Variants in TNK2 observed in about 807,000 individuals in gnomAD.
TNK2 encodes activated CDC42 kinase 1.
A neutral mutation model predicts 101.8 loss-of-function variants in TNK2; 83 were observed. The observed-to-expected ratio is 0.82, with a 90% CI of 0.68 to 0.98. TNK2 has a LOEUF of 0.98. TNK2 is among the 50% of genes least tolerant of loss of function. The pLI, the probability that TNK2 is intolerant of heterozygous loss-of-function variation, is 0.00. For missense variants in TNK2, 1,665 were observed against 1,483.2 expected (o/e 1.12, Z -2.01); for synonymous variants, 804 against 633.0 (o/e 1.27, Z -4.06).
In TNK2 at chr3:195,868,674, G is replaced by T. The variant is rs776492917; in HGVS notation, c.1624C>A (p.Pro542Thr). ...TYDPVSEDQD[P>T]LSSDFKRLGL... ...AGCCTCTTGAAGTCGCTGGACAAGG[G>T]GTCTTGGTCCTCGCTCACAGGGTCA... The change falls in exon 13 of 16, where the codon CCC (proline) becomes ACC (threonine). Residue 542 changes from proline (P) to threonine (T), a missense_variant. Pro to Thr is a conservative substitution (Grantham distance 38). Transcript: ENST00000672887. The T allele has an allele frequency of 1.9e-6, 3 of 1,592,588 alleles. No homozygotes were observed. Among genetic ancestry groups the T allele is most frequent in the African/African-American group, 2.7e-5 (2 of 73,986 alleles).
At chr3:195,896,044 C>G (rs758239070) in intron 1 of TNK2, 19 of 450,620 alleles carry the variant, frequency 4.2e-5, no homozygotes, top group Admixed American at 3.8e-4. Flanking sequence ...GCGCTGGGCA[C>G]GCACTGACCT....
Position 195,885,635 on chromosome 3 carries a change from G to A in TNK2, c.235-602C>T. 2 of 1,268,024 alleles carry A rather than the reference G, an allele frequency of 1.6e-6. No individual in the cohort carries two copies. The highest frequency in any genetic ancestry group is 1.2e-5 in the South Asian group (1 of 80,508). The allele number at this position is 1,268,024 out of a possible 1,614,324, so 78.5% of individuals were successfully genotyped here. A position where few individuals can be genotyped will look rare whatever the true frequency, so the allele number is the denominator to read the frequency against. On this transcript the variant is annotated intron_variant, in intron 3 of 15. Coordinates refer to ENST00000672887, the MANE Select transcript of TNK2 (RefSeq NM_001382273.1). The surrounding 1 kb of genome is among the most constrained non-coding windows in gnomAD (Gnocchi z 4.7). ...GCTAGTCCTTGCTGGGAAGGGGCCT[G>A]GGAAGACAGCTGGGTCTCTGGAGGG...
In TNK2 at chr3:195,868,182, G is replaced by A. The variant is rs533205195; in HGVS notation, c.2116C>T (p.Pro706Ser). 1.2e-6 allele frequency: 2 copies of A among 1,609,962 alleles called. No homozygotes were observed. Among genetic ancestry groups the A allele is most frequent in the East Asian group, 2.2e-5 (1 of 44,804 alleles). ...PPLEDNLFLP[P>S]QGGGKPPSSA... ...CTGGGCGGCTTGCCCCCACCCTGGG[G>A]CGGGAGGAACAGGTTGTCCTCCAGG... The change falls in exon 13 of 16, where the codon CCC becomes TCC. Residue 706 changes from proline (P) to serine (S), a missense_variant. By Grantham distance (74) the Pro-to-Ser change is moderately conservative. Coordinates refer to ENST00000672887, the MANE Select transcript of TNK2 (RefSeq NM_001382273.1).
chr3:195,895,737 GTAT>G (rs925405070), intron 1 of TNK2, among the ~76,000 whole-genome samples: 2 of 152,116 alleles, frequency 1.3e-5, no homozygotes, highest in Non-Finnish European at 2.9e-5. Context: ...CGAGTCCCCC[GTAT>G]TCACGGTAAG....
chr3:195,872,008 T>TTCCCCCGGAGAACCC (rs1745762753), intron 10 of TNK2, among the ~76,000 whole-genome samples: 1 of 44,066 alleles, frequency 2.3e-5, no homozygotes, highest in Admixed American at 1.9e-4. Flanking sequence ...CTGGAGAACA[T>TTCCCCCGGAGAACCC]TCCCCTGGAG....
rs761003004 is a variant in TNK2, at chr3:195,868,184, G to A, written c.2114C>T (p.Pro705Leu). 21 of 1,609,238 alleles carry A rather than the reference G, an allele frequency of 1.3e-5. No individual in the cohort carries two copies. Among genetic ancestry groups the A allele is most frequent in the Admixed American group, 5.0e-5 (3 of 59,674 alleles). Residue 705 changes from proline to leucine, a missense_variant, in exon 13 of 16, where the codon CCG becomes CTG. Physicochemically the swap from Pro to Leu is moderately conservative, Grantham distance 98 (BLOSUM62 -3). Coordinates refer to ENST00000672887, the MANE Select transcript of TNK2 (RefSeq NM_001382273.1). ...PPPLEDNLFL[P>L]PQGGGKPPSS... ...GGGCGGCTTGCCCCCACCCTGGGGC[G>A]GGAGGAACAGGTTGTCCTCCAGGGG...
intron 1 of TNK2, among the ~76,000 whole-genome samples, chr3:195,893,028 T>G (rs1759230424): frequency 6.6e-6 from 1 of 151,744 alleles, no homozygotes; most frequent in South Asian, 2.1e-4. Flanking sequence ...TCCTGGGACT[T>G]TAGGGTGGCG....
chr3:195,906,810 C>T (rs537430438), intron 1 of TNK2, among the ~76,000 whole-genome samples: 9 of 152,122 alleles, frequency 5.9e-5, no homozygotes, highest in South Asian at 2.1e-4. Flanking sequence ...ATCTTCTAGA[C>T]GAAGCACAAG....
chr3:195,878,501 G>A lies in TNK2; in HGVS notation c.1106C>T (p.Ala369Val). The change falls in exon 8 of 16, where the codon GCT (alanine) becomes GTT (valine). Residue 369 changes from alanine (A) to valine (V), a missense_variant. Physicochemically the swap from Ala to Val is moderately conservative, Grantham distance 64 (BLOSUM62 0). Coordinates refer to ENST00000672887, the MANE Select transcript of TNK2 (RefSeq NM_001382273.1). This position sits in a 1 kb window ranked among gnomAD's most constrained non-coding sequence, Gnocchi z 4.7. The part of the protein sequence containing the change: ...DIYNVMVQCW[A>V]HKPEDRPTFV... ...CGTGGGTCTGTCCTCTGGCTTGTGA[G>A]CCCAGCACTGGACCATGACGTTGTA... 1 of 1,613,968 alleles carries A rather than the reference G, an allele frequency of 6.2e-7. No homozygotes were observed. Among genetic ancestry groups the A allele is most frequent in the Non-Finnish European group, 8.5e-7 (1 of 1,180,052 alleles).
At chr3:195,872,650 G>A (rs868027897) in intron 9 of TNK2, 180 bp from the exon 10 acceptor site, 13 of 632,244 alleles carry the variant, frequency 2.1e-5, no homozygotes, top group Admixed American at 1.6e-4. Flanking sequence ...CCCCGTACAG[G>A]CCTGTTTGCA....
intron 10 of TNK2, 114 bp from the exon 11 acceptor site, chr3:195,870,319 C>T: frequency 6.5e-7 from 1 of 1,540,106 alleles, no homozygotes; most frequent in South Asian, 1.1e-5. Flanking sequence ...GGGTCTGAAG[C>T]ACAGGCCTCC....
In TNK2 at chr3:195,886,583, T is replaced by C. The variant is rs1577081434; in HGVS notation, c.234+394A>G. Among the ~76,000 whole-genome samples the C allele has an allele frequency of 6.6e-6, 1 of 151,456 alleles. No homozygotes were observed. The highest frequency in any genetic ancestry group is 2.1e-4 in the South Asian group (1 of 4,784). The stretch of plus-strand genomic sequence containing the variant: ...AGAGAAACCCAGAGATTAGAGAGGG[T>C]CAGGGAGGAGGGAAGCCAAGCAAAG... On this transcript the variant is annotated intron_variant, in intron 3 of 15. Coordinates refer to ENST00000672887, the MANE Select transcript of TNK2 (RefSeq NM_001382273.1). The surrounding 1 kb of genome is among the most constrained non-coding windows in gnomAD (Gnocchi z 4.2).
At chr3:195,906,929 G>A (rs558045992) in intron 1 of TNK2, among the ~76,000 whole-genome samples, 39 of 152,278 alleles carry the variant, frequency 2.6e-4, no homozygotes, top group African/African-American at 8.2e-4. Context: ...AGGGCCTGAG[G>A]TTTCTTTACT....
At chr3:195,865,202 G>A (rs563483789) in intron 15 of TNK2, among the ~76,000 whole-genome samples, 1 of 109,706 alleles carries the variant, frequency 9.1e-6, no homozygotes, top group African/African-American at 3.7e-5. Flanking sequence ...AGGTGACAGC[G>A]AGTGCCTGCG....
Position 195,864,059 on chromosome 3 carries a change from T to G in TNK2, c.*122A>C. Reference sequence around the variant, plus strand: ...CTCCCGCAGCCTTGGCCTTGCTCCATCCCCGGGAGCAGCAGGAGCAGCGGG... The same window carrying G: ...CTCCCGCAGCCTTGGCCTTGCTCCAGCCCCGGGAGCAGCAGGAGCAGCGGG... On this transcript the variant is annotated 3_prime_UTR_variant, in exon 16 of 16. Transcript: ENST00000672887. 1 of 1,382,452 alleles carries G rather than the reference T, an allele frequency of 7.2e-7. No individual in the cohort carries two copies. The highest frequency in any genetic ancestry group is 1.0e-6 in the Non-Finnish European group (1 of 984,800). 85.6% of individuals were successfully genotyped at this position (1,382,452 alleles called of 1,614,324 possible).
Position 195,886,352 on chromosome 3 carries a change from AC to A in TNK2, c.234+624del. On this transcript the variant is annotated intron_variant, in intron 3 of 15. Coordinates refer to ENST00000672887, the MANE Select transcript of TNK2 (RefSeq NM_001382273.1). This position sits in a 1 kb window ranked among gnomAD's most constrained non-coding sequence, Gnocchi z 4.2. ...CCACTGCAGCTGTTCGGCCCTGCCC[AC>A]CCCCCAACCCAGCCCTGAAGCCAGA... 1 of 152,086 alleles carries A rather than the reference AC, an allele frequency of 6.6e-6. No homozygotes were observed. The allele number at this position is 152,086 out of a possible 1,614,324, so 9.4% of individuals were successfully genotyped here. A position where few individuals can be genotyped will look rare whatever the true frequency, so the allele number is the denominator to read the frequency against.
chr3:195,897,403 C>G (rs1419927311), intron 1 of TNK2, among the ~76,000 whole-genome samples: 1 of 152,232 alleles, frequency 6.6e-6, no homozygotes, highest in Non-Finnish European at 1.5e-5. Flanking sequence ...CCACTCCCTC[C>G]CAGGGGGGCC....
At chr3:195,869,690 G>T (rs542449585) in intron 11 of TNK2, 149 bp from the exon 12 acceptor site, 1 of 816,390 alleles carries the variant, frequency 1.2e-6, no homozygotes, top group Non-Finnish European at 2.0e-6. Context: ...CCCAGCAAAC[G>T]GGAGGCCGCA....
intron 2 of TNK2, 145 bp from the exon 3 acceptor site, chr3:195,887,192 G>C (rs1014199092): frequency 1.3e-6 from 1 of 768,616 alleles, no homozygotes; most frequent in Non-Finnish European, 2.1e-6. Flanking sequence ...CTAACCCGGA[G>C]CCTCAACTGA....
Sources: allele counts gnomAD v4.1 joint callset (sites outside exome capture counted in the v4.1 genomes callset), GRCh38; gene constraint gnomAD v4.1.1; non-coding constraint Gnocchi (gnomAD v3.1); transcripts MANE v1.5; gene names NCBI Gene and HGNC (gene_info 2026-07-23, HGNC 2026-07-21).